Variants in NRG3 observed in about 807,000 individuals in gnomAD.
NRG3 encodes the protein neuregulin 3.
NRG3 carries 31 observed loss-of-function variants against 66.9 expected under a neutral mutation model. The ratio of observed to expected loss-of-function variants is 0.46; its 90% CI spans 0.35 to 0.63. The LOEUF is 0.63. NRG3 is among the 20% of genes least tolerant of loss of function. NRG3 has a pLI of 0.00. For missense variants in NRG3, 910 were observed against 878.9 expected (o/e 1.04, Z -0.45); for synonymous variants, 393 against 359.4 (o/e 1.09, Z -1.06).
intron 2 of NRG3, among the ~76,000 whole-genome samples, chr10:82,421,363 T>C (rs1386013607): frequency 2.0e-5 from 3 of 151,984 alleles, no homozygotes; most frequent in Non-Finnish European, 2.9e-5. Flanking sequence ...GAGTGCTATG[T>C]TGGGATAAGT....
chr10:82,669,302 G>A (rs1309436654), intron 2 of NRG3, among the ~76,000 whole-genome samples: 2 of 150,164 alleles, frequency 1.3e-5, no homozygotes, highest in Admixed American at 6.7e-5. Context: ...AAATAACAAA[G>A]TAACTGTGAA....
chr10:82,757,568 A>G (rs571470005), intron 3 of NRG3, among the ~76,000 whole-genome samples: 2 of 152,254 alleles, frequency 1.3e-5, no homozygotes, highest in African/African-American at 2.4e-5. Context: ...TCAAAACAAA[A>G]TAAAACATAC....
At chr10:82,495,189 C>G (rs1002931064) in intron 2 of NRG3, among the ~76,000 whole-genome samples, 4 of 152,082 alleles carry the variant, frequency 2.6e-5, no homozygotes, top group Non-Finnish European at 5.9e-5. Context: ...CCCGTCTCGG[C>G]CTCCCAAAGT....
intron 3 of NRG3, among the ~76,000 whole-genome samples, chr10:82,843,007 C>G (rs1341292412): frequency 6.6e-6 from 1 of 152,174 alleles, no homozygotes; most frequent in Admixed American, 6.5e-5. Context: ...ATATACTGTA[C>G]TAGACACTAT....
intron 2 of NRG3, among the ~76,000 whole-genome samples, chr10:82,399,560 G>T (rs183930171): frequency 2.9e-3 from 440 of 152,204 alleles, no homozygotes; most frequent in Admixed American, 4.2e-3. Context: ...TTCTGGTGAG[G>T]GTCCTCCTCC....
At chr10:82,502,520 G>T (rs530514205) in intron 2 of NRG3, among the ~76,000 whole-genome samples, 9 of 152,096 alleles carry the variant, frequency 5.9e-5, no homozygotes, top group South Asian at 2.1e-4. Context: ...AATATTAATT[G>T]CATTTTTCTG....
At chr10:82,311,489 G>A (rs2081023875) in intron 1 of NRG3, among the ~76,000 whole-genome samples, 1 of 152,106 alleles carries the variant, frequency 6.6e-6, no homozygotes, top group Non-Finnish European at 1.5e-5. Context: ...CACTGGCTGT[G>A]CTGAAATCTG....
chr10:82,958,865 A>G, intron 5 of NRG3, 84 bp from the exon 6 acceptor site: 1 of 1,387,280 alleles, frequency 7.2e-7, no homozygotes, highest in South Asian at 1.7e-5. Context: ...TAACAAATAT[A>G]GACACTGGGA....
intron 2 of NRG3, among the ~76,000 whole-genome samples, chr10:82,604,751 T>C (rs770887787): frequency 6.6e-6 from 1 of 152,176 alleles, no homozygotes; most frequent in Non-Finnish European, 1.5e-5. Flanking sequence ...GGAGAAATTA[T>C]AGTCTTTTCA....
intron 2 of NRG3, among the ~76,000 whole-genome samples, chr10:82,375,560 AT>A (rs2085174335): frequency 6.6e-6 from 1 of 151,770 alleles, no homozygotes; most frequent in African/African-American, 2.4e-5. Context: ...AATTACTGAT[AT>A]TTTTTATAAC....
At chr10:82,835,065 AC>A (rs1309986963) in intron 3 of NRG3, among the ~76,000 whole-genome samples, 1 of 152,196 alleles carries the variant, frequency 6.6e-6, no homozygotes, top group East Asian at 1.9e-4. Flanking sequence ...TTGACCTGAA[AC>A]TTACATTCTT....
chr10:82,564,038 A>C (rs1219591495), intron 2 of NRG3, among the ~76,000 whole-genome samples: 2 of 151,750 alleles, frequency 1.3e-5, no homozygotes, highest in Non-Finnish European at 2.9e-5. Flanking sequence ...ATGAGCTCTT[A>C]ATACATAAGG....
chr10:82,550,849 C>T (rs912889740), intron 2 of NRG3, among the ~76,000 whole-genome samples: 4 of 152,100 alleles, frequency 2.6e-5, no homozygotes, highest in African/African-American at 4.8e-5. Context: ...CCAGTACCTA[C>T]GCCCAACTTC....
At chr10:81,922,862 G>A (rs1846387319) in intron 1 of NRG3, among the ~76,000 whole-genome samples, 1 of 152,146 alleles carries the variant, frequency 6.6e-6, no homozygotes, top group African/African-American at 2.4e-5. Context: ...CTTAAAAAGA[G>A]CCTCAGGAAC....
chr10:82,432,516 A>C (rs921470501), intron 2 of NRG3, among the ~76,000 whole-genome samples: 7 of 144,870 alleles, frequency 4.8e-5, no homozygotes, highest in Admixed American at 2.8e-4. Flanking sequence ...AAAAAAAAAC[A>C]GGATACATGT....
chr10:82,068,856 G>A (rs547930922), intron 1 of NRG3, among the ~76,000 whole-genome samples: 2 of 152,230 alleles, frequency 1.3e-5, no homozygotes, highest in East Asian at 1.9e-4. Context: ...TCGTATTTGT[G>A]TACTTAAAAA....
chr10:82,767,873 TTCTCTCTC>T (rs61249173), intron 3 of NRG3, among the ~76,000 whole-genome samples: 1 of 147,516 alleles, frequency 6.8e-6, no homozygotes, highest in African/African-American at 2.5e-5. Context: ...ATTATCTCTG[TTCTCTCTC>T]TCTCTCTCTC....
At chr10:82,925,663 C>T (rs370965873) in intron 4 of NRG3, among the ~76,000 whole-genome samples, 34 of 152,174 alleles carry the variant, frequency 2.2e-4, no homozygotes, top group Non-Finnish European at 4.0e-4. Flanking sequence ...AATCAATCTA[C>T]GTAGGGTTTA....
chr10:82,641,879 G>T (rs1042185513), intron 2 of NRG3, among the ~76,000 whole-genome samples: 3 of 152,110 alleles, frequency 2.0e-5, no homozygotes, highest in African/African-American at 7.2e-5. Context: ...GTGTAATTTT[G>T]TTACATGGAT....
Sources: allele counts gnomAD v4.1 joint callset (sites outside exome capture counted in the v4.1 genomes callset), GRCh38; gene constraint gnomAD v4.1.1; transcripts MANE v1.5; gene names NCBI Gene and HGNC (gene_info 2026-07-23, HGNC 2026-07-21).